BEGAIN: variants seen among roughly 807,000 people sequenced by gnomAD.
BEGAIN encodes brain-enriched guanylate kinase-associated protein.
In BEGAIN, 19 loss-of-function variants were observed where a neutral mutation model predicts 35.8. That is an observed-to-expected ratio of 0.53 (90% CI 0.37 to 0.78). The LOEUF is 0.78. Ranked by LOEUF, BEGAIN falls within the 30% of genes least tolerant of loss-of-function variation. The pLI, the probability that BEGAIN is intolerant of heterozygous loss-of-function variation, is 0.00. For missense variants in BEGAIN, 795 were observed against 853.6 expected (o/e 0.93, Z 0.85); for synonymous variants, 462 against 388.6 (o/e 1.19, Z -2.22).
chr14:100,584,222 G>A (rs547026857), intron 1 of BEGAIN, among the ~76,000 whole-genome samples: 2 of 152,280 alleles, frequency 1.3e-5, no homozygotes, highest in East Asian at 3.9e-4. Context: ...CCTGACTTGG[G>A]CTCAGGGCTT....
At chr14:100,582,888 C>A (rs571707274) in intron 1 of BEGAIN, among the ~76,000 whole-genome samples, 3 of 151,822 alleles carry the variant, frequency 2.0e-5, no homozygotes, top group Admixed American at 2.0e-4. Flanking sequence ...CCTGACCCTG[C>A]GCCTGCGTAG....
At position 100,552,526 on chromosome 14, in the gene BEGAIN, C is replaced by T. The variant is rs147380744; in HGVS notation, c.72-5864G>A. ...CTGTTGGGCCCTGCCGGGGCTGCCG[C>T]CCTCCCCTTTCTTGGACTCCCCTTC... On this transcript the variant is annotated intron_variant, in intron 2 of 6. Transcript: ENST00000554140. Among the ~76,000 whole-genome samples the T allele has an allele frequency of 7.0e-3, 1,060 of 152,324 alleles. 9 individuals carry two copies. The highest frequency in any genetic ancestry group is 0.024 in the African/African-American group (997 of 41,572).
intron 2 of BEGAIN, among the ~76,000 whole-genome samples, chr14:100,561,022 C>T (rs1040770286): frequency 1.5e-5 from 2 of 129,782 alleles, no homozygotes; most frequent in Admixed American, 1.5e-4. Flanking sequence ...GAAGGATTTT[C>T]TGCCTGTGGT....
rs1007283306 is a variant in BEGAIN at position 100,558,088 on chromosome 14, G to A, written c.71+9823C>T. 1.1e-4 allele frequency among the ~76,000 whole-genome samples: 16 copies of A among 151,990 alleles called. No homozygotes were observed. The highest frequency in any genetic ancestry group is 3.6e-4 in the African/African-American group (15 of 41,374). ...CTCCTGAACCATCCATTTTTCCCTC[G>A]CTTCCTGGTCATTCTCTGGCAGGCA... On this transcript the variant is annotated intron_variant, in intron 2 of 6. Coordinates refer to ENST00000554140, the MANE Select transcript of BEGAIN (RefSeq NM_001385089.1). The surrounding 1 kb of genome is among the most constrained non-coding windows in gnomAD (Gnocchi z 4.6).
rs1260565538 is a variant in BEGAIN, at chr14:100,546,790, A to G, written c.72-128T>C. 3.8e-5 allele frequency: 22 copies of G among 584,022 alleles called. No homozygotes were observed. The East Asian group carries it at 4.6e-4, about 12-fold the overall frequency. The allele number at this position is 584,022 out of a possible 1,614,324, so 36.2% of individuals were successfully genotyped here. On this transcript the variant is annotated intron_variant, in intron 2 of 6. Coordinates refer to ENST00000554140, the MANE Select transcript of BEGAIN (RefSeq NM_001385089.1). The stretch of plus-strand genomic sequence containing the variant: ...CGCGCGCGCGCGCGCGCACACACAC[A>G]CACACACACACACACACACACACTC...
chr14:100,556,970 C>G (rs1198431153), intron 2 of BEGAIN, among the ~76,000 whole-genome samples: 2 of 152,350 alleles, frequency 1.3e-5, no homozygotes, highest in African/African-American at 4.8e-5. Context: ...AGAGGAAGAG[C>G]CCAGGCCCTG....
At chr14:100,554,282 G>A (rs1331670925) in intron 2 of BEGAIN, among the ~76,000 whole-genome samples, 7 of 152,276 alleles carry the variant, frequency 4.6e-5, no homozygotes, top group East Asian at 1.9e-4. Flanking sequence ...GCTGGGCTGC[G>A]GCTGTCACTG....
chr14:100,538,283 G>C lies in BEGAIN; in HGVS notation c.1525C>G (p.Pro509Ala), dbSNP rs746770122. The C allele has an allele frequency of 1.9e-6, 3 of 1,553,836 alleles. No individual in the cohort carries two copies. Among genetic ancestry groups the C allele is most frequent in the Non-Finnish European group, 2.6e-6 (3 of 1,158,702 alleles). Residue 509 changes from proline to alanine, a missense_variant, in exon 7 of 7, where the codon CCC becomes GCC. This residue lies in a region of BEGAIN where 664 missense variants were observed against 647.7 expected (regional missense o/e 1.03). Coordinates refer to ENST00000554140, the MANE Select transcript of BEGAIN (RefSeq NM_001385089.1). ...DDLSQGHLAE[P>A]CFLRAGGDLS... ...TCGCCGCCCGCCCGCAGGAAGCAGG[G>C]CTCTGCCAGGTGGCCCTGGGAGAGG...
At chr14:100,572,140 C>T (rs762329606) in intron 1 of BEGAIN, among the ~76,000 whole-genome samples, 1 of 152,204 alleles carries the variant, frequency 6.6e-6, no homozygotes, top group Non-Finnish European at 1.5e-5. Context: ...TTCTTCAAGC[C>T]TGCCCCTGCG....
In BEGAIN at chr14:100,537,707, T is replaced by A; in HGVS notation, c.*262A>T. ...TAGTTTCGCTTTATAAAAGGGGGGATGCTCCTCTCACATGGGGGAAGGACG... is the reference window on the plus strand; with the variant it reads ...TAGTTTCGCTTTATAAAAGGGGGGAAGCTCCTCTCACATGGGGGAAGGACG... On this transcript the variant is annotated 3_prime_UTR_variant, in exon 7 of 7. Transcript: ENST00000554140. 2.2e-6 allele frequency: 1 copy of A among 446,504 alleles called. No individual in the cohort carries two copies. The highest frequency in any genetic ancestry group is 3.9e-6 in the Non-Finnish European group (1 of 255,512). The allele number at this position is 446,504 out of a possible 1,614,324, so 27.7% of individuals were successfully genotyped here.
Position 100,550,934 on chromosome 14 carries a change from G to T in BEGAIN, c.72-4272C>A, listed in dbSNP as rs886400714. On this transcript the variant is annotated intron_variant, in intron 2 of 6. Transcript: ENST00000554140. The stretch of plus-strand genomic sequence containing the variant: ...AGCCCTGCCTCACAGGACACAGGTG[G>T]GGTCTGGTCCATTGTCTCAACCTCA... Among the ~76,000 whole-genome samples, 5 of 152,276 alleles carry T rather than the reference G, an allele frequency of 3.3e-5. No homozygotes were observed. In the East Asian group the frequency reaches 9.7e-4, roughly 29 times the overall value.
Position 100,558,871 on chromosome 14 carries a change from C to G in BEGAIN, c.71+9040G>C, listed in dbSNP as rs1387299006. On this transcript the variant is annotated intron_variant, in intron 2 of 6. Coordinates refer to ENST00000554140, the MANE Select transcript of BEGAIN (RefSeq NM_001385089.1). This position sits in a 1 kb window ranked among gnomAD's most constrained non-coding sequence, Gnocchi z 4.6. ...AGACCTCCTTGAAACCAACGTCAGA[C>G]CCATCCTTGGGGAGGTGGGCCATCG... 6.6e-6 allele frequency among the ~76,000 whole-genome samples: 1 copy of G among 152,218 alleles called. No homozygotes were observed. Among genetic ancestry groups the G allele is most frequent in the Non-Finnish European group, 1.5e-5 (1 of 68,036 alleles).
chr14:100,540,376 G>A (rs2031410982), intron 6 of BEGAIN, 120 bp downstream of exon 6: 4 of 783,206 alleles, frequency 5.1e-6, no homozygotes, highest in Admixed American at 2.3e-5. Context: ...GGACAGAGGA[G>A]GCTCAGGCTC....
At position 100,538,809 on chromosome 14, in the gene BEGAIN, C is replaced by T. The variant is rs776447801; in HGVS notation, c.999G>A (p.Gln333=). The change falls in exon 7 of 7, where the codon CAG becomes CAA. Residue 333 remains glutamine (Q), a synonymous_variant. Coordinates refer to ENST00000554140, the MANE Select transcript of BEGAIN (RefSeq NM_001385089.1). ...GCTGCGACGCGGTCAGCGTGCTGGC[C>T]TGCGCGTGCTCCTTCTCCTCCGACG... ...SATSEEKEHA[Q]ASTLTASQQA... 6.9e-6 allele frequency: 11 copies of T among 1,602,406 alleles called. No individual in the cohort carries two copies. Among genetic ancestry groups the T allele is most frequent in the South Asian group, 1.1e-5 (1 of 89,112 alleles).
At chr14:100,575,684 G>A (rs2035186629) in intron 1 of BEGAIN, among the ~76,000 whole-genome samples, 1 of 152,246 alleles carries the variant, frequency 6.6e-6, no homozygotes, top group Non-Finnish European at 1.5e-5. Context: ...CTGGAGACCA[G>A]GGCCTCCAAG....
In BEGAIN at chr14:100,546,682, G is replaced by GCGGGC. The variant is rs1238468186; in HGVS notation, c.72-25_72-21dup. Reference sequence around the variant, plus strand: ...AGCGCGCTGCAACGACATGGCGGCGGCGGGCCGGGCCGCGGCGCTGAGCGG... The same window carrying GCGGGC: ...AGCGCGCTGCAACGACATGGCGGCGGCGGGCCGGGCCGGGCCGCGGCGCTGAGCGG... On this transcript the variant is annotated intron_variant, in intron 2 of 6. Coordinates refer to ENST00000554140, the MANE Select transcript of BEGAIN (RefSeq NM_001385089.1). The GCGGGC allele has an allele frequency of 1.9e-6, 3 of 1,543,946 alleles. No homozygotes were observed. The highest frequency in any genetic ancestry group is 2.8e-5 in the African/African-American group (2 of 70,514).
chr14:100,539,099 G>A lies in BEGAIN; in HGVS notation c.709C>T (p.Pro237Ser). The A allele has an allele frequency of 6.2e-7, 1 of 1,610,524 alleles. No homozygotes were observed. Among genetic ancestry groups the A allele is most frequent in the Non-Finnish European group, 8.5e-7 (1 of 1,178,096 alleles). Reference protein sequence around the residue: ...AFCDGVEKPGPRPPYKGDIYC... With the variant: ...AFCDGVEKPGSRPPYKGDIYC... The stretch of plus-strand genomic sequence containing the variant: ...ATGTCTCCCTTGTAGGGGGGCCGCG[G>A]GCCTGGTTTCTCCACCCCGTCGCAG... The change falls in exon 7 of 7, where the codon CCG (proline) becomes TCG (serine). Residue 237 changes from proline to serine, a missense_variant. This residue lies in a region of BEGAIN where 664 missense variants were observed against 647.7 expected (regional missense o/e 1.03). Transcript: ENST00000554140.
chr14:100,568,520 G>A lies in BEGAIN; in HGVS notation c.43-581C>T. ...CGCTGCCCTCAGATTCTGGGGTTTT[G>A]GGCCTGGCTTGCCCCTCCCGGGCCC... On this transcript the variant is annotated intron_variant, in intron 1 of 6. Transcript: ENST00000554140. The surrounding 1 kb of genome is among the most constrained non-coding windows in gnomAD (Gnocchi z 7.5). 3.1e-6 allele frequency: 4 copies of A among 1,286,658 alleles called. No homozygotes were observed. Among genetic ancestry groups the A allele is most frequent in the Non-Finnish European group, 4.1e-6 (4 of 987,474 alleles). 79.7% of individuals were successfully genotyped at this position (1,286,658 alleles called of 1,614,324 possible).
At chr14:100,545,527 G>T in intron 3 of BEGAIN, 1 of 781,340 alleles carries the variant, frequency 1.3e-6, no homozygotes, top group Non-Finnish European at 1.6e-6. Flanking sequence ...ACTCGGTTCT[G>T]CCGGGTAGGA....
Sources: gnomAD v4.1 joint callset for allele counts (sites outside exome capture counted in the v4.1 genomes callset) on GRCh38, gnomAD v4.1.1 for gene constraint, gnomAD v4.1.1 regional missense constraint, Gnocchi (gnomAD v3.1) non-coding constraint, MANE v1.5 for transcripts, NCBI Gene and HGNC (gene_info 2026-07-23, HGNC 2026-07-21) for gene names.